Variants in B4GALNT3 observed in about 807,000 individuals in gnomAD.
The protein encoded by B4GALNT3 is beta-1,4-N-acetylgalactosaminyltransferase 3.
A neutral mutation model predicts 120.2 loss-of-function variants in B4GALNT3; 86 were observed. The observed-to-expected ratio is 0.72, with a 90% CI of 0.60 to 0.86. B4GALNT3 has a LOEUF of 0.86. Ranked by LOEUF, B4GALNT3 falls within the 40% of genes least tolerant of loss-of-function variation. The pLI is 0.00. For missense variants in B4GALNT3, 1,167 were observed against 1,298.9 expected (o/e 0.90, Z 1.56); for synonymous variants, 518 against 510.4 (o/e 1.01, Z -0.20).
chr12:533,666 G>C (rs928301699), intron 1 of B4GALNT3, among the ~76,000 whole-genome samples: 31 of 152,130 alleles, frequency 2.0e-4, no homozygotes, highest in African/African-American at 7.2e-4. Context: ...CAGACTCGGA[G>C]CGCTCTTTCC....
At chr12:545,707 AATGGGGAGGAGCGAGGT>A (rs1565608154) in intron 6 of B4GALNT3, among the ~76,000 whole-genome samples, 50 of 100,052 alleles carry the variant, frequency 5.0e-4, no homozygotes, top group East Asian at 6.7e-4. Flanking sequence ...AGGAGTGAGG[AATGGGGAGGAGCGAGGT>A]GTGGGGAGGA....
chr12:530,634 A>G (rs938383729), intron 1 of B4GALNT3, among the ~76,000 whole-genome samples: 1 of 152,208 alleles, frequency 6.6e-6, no homozygotes, highest in Non-Finnish European at 1.5e-5. Context: ...CCTTGAGCGG[A>G]TGACTTTGCC....
At chr12:485,749 T>A (rs1209121251) in intron 1 of B4GALNT3, among the ~76,000 whole-genome samples, 1 of 152,224 alleles carries the variant, frequency 6.6e-6, no homozygotes, top group South Asian at 2.1e-4. Context: ...AGTTGATTTT[T>A]AAACCTAGTC....
At chr12:538,180 T>G (rs1946880240) in intron 3 of B4GALNT3, among the ~76,000 whole-genome samples, 1 of 152,190 alleles carries the variant, frequency 6.6e-6, no homozygotes, top group Admixed American at 6.5e-5. Context: ...TATTAATAAT[T>G]AATTTATCCA....
chr12:507,038 C>G (rs1565596509), intron 1 of B4GALNT3, among the ~76,000 whole-genome samples: 1 of 152,212 alleles, frequency 6.6e-6, no homozygotes, highest in Non-Finnish European at 1.5e-5. Context: ...ACCCAGTTTC[C>G]TCTATTATTG....
intron 1 of B4GALNT3, among the ~76,000 whole-genome samples, chr12:528,086 G>A (rs990761421): frequency 2.8e-4 from 43 of 152,140 alleles, no homozygotes; most frequent in Non-Finnish European, 5.1e-4. Context: ...TCAATGTAGA[G>A]TAGTGGAATT....
At chr12:515,919 C>T (rs908520157) in intron 1 of B4GALNT3, among the ~76,000 whole-genome samples, 8 of 152,054 alleles carry the variant, frequency 5.3e-5, no homozygotes, top group African/African-American at 1.2e-4. Flanking sequence ...TGGTGGATCA[C>T]GAGGTCAGGA....
intron 1 of B4GALNT3, among the ~76,000 whole-genome samples, chr12:491,143 A>G (rs1439217807): frequency 6.6e-6 from 1 of 152,192 alleles, no homozygotes; most frequent in East Asian, 1.9e-4. Context: ...AATATTAGCA[A>G]ATTGAATCCA....
Position 552,479 on chromosome 12 carries a change from G to A in B4GALNT3, c.1221G>A (p.Gln407=). ...NAYYQDRFSF[Q]EYIKIDQPEK... is the part of the protein sequence containing the mutation. ...CTTCCTCCTGCAGGTTCAGCTTTCA[G>A]GAGTACATCAAGATTGACCAGCCTG... is the stretch of plus-strand genomic sequence containing the variant. The change falls in exon 13 of 20, where the codon CAG becomes CAA. Residue 407 remains glutamine, a synonymous_variant. Transcript: ENST00000266383. The A allele has an allele frequency of 6.2e-7, 1 of 1,613,910 alleles. No individual in the cohort carries two copies. Among genetic ancestry groups the A allele is most frequent in the East Asian group, 2.2e-5 (1 of 44,880 alleles).
chr12:560,215 G>A (rs919293682), intron 19 of B4GALNT3, among the ~76,000 whole-genome samples: 2 of 152,158 alleles, frequency 1.3e-5, no homozygotes, highest in Non-Finnish European at 2.9e-5. Flanking sequence ...GGGCATAAGC[G>A]CTGTAACAGC....
intron 1 of B4GALNT3, among the ~76,000 whole-genome samples, chr12:522,505 C>T (rs1433373026): frequency 2.0e-5 from 3 of 152,068 alleles, no homozygotes; most frequent in Admixed American, 6.6e-5. Flanking sequence ...TTGCCAGGCC[C>T]TGGGGGGAAG....
At chr12:495,045 T>C (rs1238770046) in intron 1 of B4GALNT3, among the ~76,000 whole-genome samples, 2 of 152,332 alleles carry the variant, frequency 1.3e-5, no homozygotes, top group East Asian at 1.9e-4. Flanking sequence ...ATAATAAGAA[T>C]GTGTGGACCA....
At chr12:551,791 C>G (rs1173957915) in intron 11 of B4GALNT3, among the ~76,000 whole-genome samples, 1 of 151,980 alleles carries the variant, frequency 6.6e-6, no homozygotes, top group Non-Finnish European at 1.5e-5. Context: ...GGGACGGGAG[C>G]TGGTTCAGGA....
intron 1 of B4GALNT3, among the ~76,000 whole-genome samples, chr12:489,388 C>T (rs940000465): frequency 1.3e-5 from 2 of 149,216 alleles, no homozygotes; most frequent in African/African-American, 4.9e-5. Flanking sequence ...AGAAAGAGAG[C>T]GTAAGGGCAA....
At chr12:521,253 C>T (rs145342734) in intron 1 of B4GALNT3, among the ~76,000 whole-genome samples, 8 of 152,262 alleles carry the variant, frequency 5.3e-5, no homozygotes, top group Non-Finnish European at 8.8e-5. Context: ...CACCACGGGA[C>T]ACCTGGGGAT....
rs560444647 is a variant in B4GALNT3 at position 536,599 on chromosome 12, C to T, written c.351+304C>T. On this transcript the variant is annotated intron_variant, in intron 3 of 19. Transcript: ENST00000266383. ...CTGGGCTCAAGCGATCCTCCAGCTT[C>T]AGCCTCCTGACTAGCTGGGATTACA... is the stretch of plus-strand genomic sequence containing the variant. 3.3e-5 allele frequency among the ~76,000 whole-genome samples: 5 copies of T among 152,310 alleles called. No homozygotes were observed. The East Asian group carries it at 9.6e-4, about 29-fold the overall frequency.
intron 1 of B4GALNT3, among the ~76,000 whole-genome samples, chr12:529,244 G>A (rs559446962): frequency 3.9e-5 from 6 of 152,058 alleles, no homozygotes; most frequent in Non-Finnish European, 8.8e-5. Context: ...CTTCTTTCTC[G>A]GGCTTACTCT....
In B4GALNT3 at chr12:521,441, G is replaced by C. The variant is rs116096180; in HGVS notation, c.170-13725G>C. Among the ~76,000 whole-genome samples, 108 of 152,288 alleles carry C rather than the reference G, an allele frequency of 7.1e-4. 1 individual carries two copies. In the East Asian group the frequency reaches 0.019, roughly 27 times the overall value. ...TTCCTGGCCTTTCCGGGGCCCAGTCGTGTGGTTCTGTCTTTGATTCTGTGA... is the reference window on the plus strand; with the variant it reads ...TTCCTGGCCTTTCCGGGGCCCAGTCCTGTGGTTCTGTCTTTGATTCTGTGA... On this transcript the variant is annotated intron_variant, in intron 1 of 19. Transcript: ENST00000266383.
At position 562,726 on chromosome 12, in the gene B4GALNT3, A is replaced by G. The variant is rs2120760143; in HGVS notation, c.*1275A>G. The stretch of plus-strand genomic sequence containing the variant: ...ACCTTGTACTTCTCTTGCACTAATA[A>G]CCCCGGTGCTTTTGTGGCTGGGGGT... On this transcript the variant is annotated 3_prime_UTR_variant, in exon 20 of 20. Transcript: ENST00000266383. This position sits in a 1 kb window ranked among gnomAD's most constrained non-coding sequence, Gnocchi z 5.2. 1 of 152,312 alleles carries G rather than the reference A, an allele frequency of 6.6e-6. No individual in the cohort carries two copies. The highest frequency in any genetic ancestry group is 2.1e-4 in the South Asian group (1 of 4,804). The allele number at this position is 152,312 out of a possible 1,614,324, so 9.4% of individuals were successfully genotyped here.
Sources: gnomAD v4.1 joint callset for allele counts (sites outside exome capture counted in the v4.1 genomes callset) on GRCh38, gnomAD v4.1.1 for gene constraint, Gnocchi (gnomAD v3.1) non-coding constraint, MANE v1.5 for transcripts, NCBI Gene and HGNC (gene_info 2026-07-23, HGNC 2026-07-21) for gene names.